Variants in ARMS2 observed in about 807,000 individuals in gnomAD.
ARMS2 encodes age-related maculopathy susceptibility 2.
In ARMS2, 4 loss-of-function variants were observed where a neutral mutation model predicts 6.0. The ratio of observed to expected loss-of-function variants is 0.67; its 90% CI spans 0.33 to 1.53. The LOEUF is 1.53. ARMS2 is among the 40% of genes most tolerant of loss of function. ARMS2 has a pLI of 0.06. For synonymous variants in ARMS2, 49 were observed against 51.7 expected (o/e 0.95, Z 0.22); for missense variants, 99 against 127.6 (o/e 0.78, Z 1.08).
In ARMS2 at chr10:122,456,788, C is replaced by T. The variant is rs1043428154; in HGVS notation, c.298-119C>T. 6.4e-6 allele frequency: 9 copies of T among 1,405,636 alleles called. No individual in the cohort carries two copies. In the African/African-American group the frequency reaches 8.7e-5, roughly 14 times the overall value. The allele number at this position is 1,405,636 out of a possible 1,614,324, so 87.1% of individuals were successfully genotyped here. On this transcript the variant is annotated intron_variant, in intron 1 of 1. Coordinates refer to ENST00000528446, the MANE Select transcript of ARMS2 (RefSeq NM_001099667.3). ...TTACAAAAGGAATGGAATGTCTATACTTCTTACCCTATTGAGTTACATTAA... is the reference window on the plus strand; with the variant it reads ...TTACAAAAGGAATGGAATGTCTATATTTCTTACCCTATTGAGTTACATTAA...
At chr10:122,455,883 C>T (rs750694657) in intron 1 of ARMS2, among the ~76,000 whole-genome samples, 3 of 152,092 alleles carry the variant, frequency 2.0e-5, no homozygotes, top group Admixed American at 6.5e-5. Context: ...CAGAAATTGA[C>T]AAGCTGTCAT....
chr10:122,456,317 GA>G (rs2097477071), intron 1 of ARMS2, among the ~76,000 whole-genome samples: 1 of 151,108 alleles, frequency 6.6e-6, no homozygotes, highest in Non-Finnish European at 1.5e-5. Flanking sequence ...AAAGAAAAAA[GA>G]AAAAAAGAAA....
chr10:122,456,802 G>C, intron 1 of ARMS2, 105 bp from the exon 2 acceptor site: 1 of 1,476,702 alleles, frequency 6.8e-7, no homozygotes, highest in South Asian at 1.3e-5. Context: ...TTACCCTATT[G>C]AGTTACATTA....
At chr10:122,456,211 GT>G (rs1312341036) in intron 1 of ARMS2, among the ~76,000 whole-genome samples, 1 of 150,948 alleles carries the variant, frequency 6.6e-6, no homozygotes, top group African/African-American at 2.4e-5. Flanking sequence ...AGACATGAAT[GT>G]TTTGATTTGA....
rs1381127108 is a variant in ARMS2, at chr10:122,456,964, A to G, written c.*31A>G. On this transcript the variant is annotated 3_prime_UTR_variant, in exon 2 of 2. Coordinates refer to ENST00000528446, the MANE Select transcript of ARMS2 (RefSeq NM_001099667.3). ...CCAAAACATATCTCCTTAAAAGCCA[A>G]CTGGAGCTTCTCATCAGCATCAATG... 1.7e-5 allele frequency: 26 copies of G among 1,551,322 alleles called. No individual in the cohort carries two copies. The highest frequency in any genetic ancestry group is 2.2e-5 in the Non-Finnish European group (25 of 1,146,880).
chr10:122,455,850 C>T (rs2097476709), intron 1 of ARMS2, among the ~76,000 whole-genome samples: 1 of 152,050 alleles, frequency 6.6e-6, no homozygotes, highest in Admixed American at 6.5e-5. Context: ...GCGCGCTCAG[C>T]TTTTCAAGCT....
In ARMS2 at chr10:122,457,266, C is replaced by T; in HGVS notation, c.*333C>T. 3.4e-6 allele frequency: 1 copy of T among 291,014 alleles called. No homozygotes were observed. The highest frequency in any genetic ancestry group is 6.3e-6 in the Non-Finnish European group (1 of 158,246). 18.0% of individuals were successfully genotyped at this position (291,014 alleles called of 1,614,324 possible). ...TCTCTGTCACTGCATTCCCTCCTGT[C>T]ATCCTGCCTTTGTTTTCTTGCCCTC... is the stretch of plus-strand genomic sequence containing the variant. On this transcript the variant is annotated 3_prime_UTR_variant, in exon 2 of 2. Coordinates refer to ENST00000528446, the MANE Select transcript of ARMS2 (RefSeq NM_001099667.3).
chr10:122,454,879 C>T lies in ARMS2; in HGVS notation c.152C>T (p.Ala51Val). The T allele has an allele frequency of 1.9e-6, 3 of 1,613,884 alleles. No individual in the cohort carries two copies. The highest frequency in any genetic ancestry group is 2.2e-5 in the South Asian group (2 of 91,074). The change falls in exon 1 of 2, where the codon GCC (alanine) becomes GTC (valine). Residue 51 changes from alanine to valine, a missense_variant. By Grantham distance (64) the Ala-to-Val change is moderately conservative (BLOSUM62 0). Transcript: ENST00000528446. ...VLDPGVGGEG[A>V]SDKQRSKLSL... ...GACCCTGGAGTTGGTGGAGAAGGAG[C>T]CAGTGACAAGCAGAGGAGCAAACTG...
In ARMS2 at chr10:122,454,858, CTGGAGT is replaced by C. The variant is rs1427811310; in HGVS notation, c.135_140del (p.Val46_Gly47del). On this transcript the variant is annotated inframe_deletion, in exon 1 of 2. Transcript: ENST00000528446. ...ACTCTGCGAGAGTCTGTGCTGGACC[CTGGAGT>C]TGGTGGAGAAGGAGCCAGTGACAAG... The C allele has an allele frequency of 6.2e-7, 1 of 1,613,852 alleles. No homozygotes were observed. Among genetic ancestry groups the C allele is most frequent in the Non-Finnish European group, 8.5e-7 (1 of 1,179,902 alleles).
At position 122,454,841 on chromosome 10, in the gene ARMS2, A is replaced by G. The variant is rs2097475913; in HGVS notation, c.114A>G (p.Arg38=). The change falls in exon 1 of 2, where the codon CGA becomes CGG. Residue 38 remains arginine (R), a synonymous_variant. Transcript: ENST00000528446. ...VVPVSFISTL[R]ESVLDPGVGG... ...CTGTGTCCTTCATTTCCACTCTGCGAGAGTCTGTGCTGGACCCTGGAGTTG... is the reference window on the plus strand; with the variant it reads ...CTGTGTCCTTCATTTCCACTCTGCGGGAGTCTGTGCTGGACCCTGGAGTTG... The G allele has an allele frequency of 6.2e-7, 1 of 1,613,936 alleles. No homozygotes were observed. Among genetic ancestry groups the G allele is most frequent in the Non-Finnish European group, 8.5e-7 (1 of 1,179,876 alleles).
In ARMS2 at chr10:122,454,843, A is replaced by G; in HGVS notation, c.116A>G (p.Glu39Gly). 4 of 1,613,882 alleles carry G rather than the reference A, an allele frequency of 2.5e-6. No homozygotes were observed. The highest frequency in any genetic ancestry group is 3.4e-6 in the Non-Finnish European group (4 of 1,179,888). ...GTGTCCTTCATTTCCACTCTGCGAG[A>G]GTCTGTGCTGGACCCTGGAGTTGGT... ...VPVSFISTLRESVLDPGVGGE... is the reference protein window; with the variant it reads ...VPVSFISTLRGSVLDPGVGGE... The change falls in exon 1 of 2, where the codon GAG (glutamate) becomes GGG (glycine). Residue 39 changes from glutamate to glycine, a missense_variant. Coordinates refer to ENST00000528446, the MANE Select transcript of ARMS2 (RefSeq NM_001099667.3).
At chr10:122,456,180 A>C (rs2097476933) in intron 1 of ARMS2, among the ~76,000 whole-genome samples, 1 of 152,140 alleles carries the variant, frequency 6.6e-6, no homozygotes, top group Non-Finnish European at 1.5e-5. Context: ...GTTGGCTTTT[A>C]AGTATCTATA....
chr10:122,456,660 A>G (rs1340145871), intron 1 of ARMS2, among the ~76,000 whole-genome samples: 1 of 152,166 alleles, frequency 6.6e-6, no homozygotes, highest in East Asian at 1.9e-4. Context: ...TCTCAAAAAA[A>G]AAAAAAAAAA....
rs1160846983 is a variant in ARMS2, at chr10:122,454,701, TCAC to T, written c.-23_-21del. 4 of 1,602,170 alleles carry T rather than the reference TCAC, an allele frequency of 2.5e-6. No homozygotes were observed. The highest frequency in any genetic ancestry group is 4.5e-5 in the East Asian group (2 of 44,582). ...GCTTGGCAAGGGGACAGCACCTTTG[TCAC>T]CACATTATGTCCCTGTACCCTACAT... is the stretch of plus-strand genomic sequence containing the variant. On this transcript the variant is annotated 5_prime_UTR_variant, in exon 1 of 2. Transcript: ENST00000528446.
rs1201216370 is a variant in ARMS2 at position 122,454,909 on chromosome 10, T to A, written c.182T>A (p.Leu61Ter). ...GACAAGCAGAGGAGCAAACTGTCTT[T>A]ATCACACTCCATGATCCCAGCTGCT... ...ASDKQRSKLS[L>*]SHSMIPAAKI... The change falls in exon 1 of 2, where the codon TTA (leucine) becomes TAA (stop). Residue 61 changes from leucine (L) to a stop codon, truncating the protein, a stop_gained. Transcript: ENST00000528446. LOFTEE classifies it high-confidence loss of function. The A allele has an allele frequency of 6.2e-7, 1 of 1,613,864 alleles. No individual in the cohort carries two copies. The highest frequency in any genetic ancestry group is 8.5e-7 in the Non-Finnish European group (1 of 1,179,844).
chr10:122,456,743 A>G (rs2097477462), intron 1 of ARMS2, among the ~76,000 whole-genome samples, 164 bp from the exon 2 acceptor site: 1 of 152,146 alleles, frequency 6.6e-6, no homozygotes, highest in African/African-American at 2.4e-5. Context: ...TGAAGAGATC[A>G]TACAGAAATA....
intron 1 of ARMS2, among the ~76,000 whole-genome samples, chr10:122,455,520 T>C (rs1025473381): frequency 2.0e-5 from 3 of 152,188 alleles, no homozygotes; most frequent in Non-Finnish European, 2.9e-5. Context: ...CTTGGCTGTA[T>C]GTGTAAGAAA....
chr10:122,455,090 C>T (rs1156346021), intron 1 of ARMS2, 66 bp downstream of exon 1: 7 of 889,404 alleles, frequency 7.9e-6, no homozygotes, highest in Admixed American at 6.7e-5. Context: ...GAGTGGTGCC[C>T]TGCAGCTTGC....
chr10:122,455,718 G>C (rs2097476609), intron 1 of ARMS2, among the ~76,000 whole-genome samples: 1 of 152,060 alleles, frequency 6.6e-6, no homozygotes, highest in Non-Finnish European at 1.5e-5. Flanking sequence ...AGAACACAAA[G>C]GTTGAACCCC....
Sources: allele counts gnomAD v4.1 joint callset (sites outside exome capture counted in the v4.1 genomes callset), GRCh38; gene constraint gnomAD v4.1.1; transcripts MANE v1.5; gene names NCBI Gene and HGNC (gene_info 2026-07-23, HGNC 2026-07-21).